The following VPS13B variants were observed in gnomAD, a reference collection of about 807,000 sequenced individuals.
The protein encoded by VPS13B is vacuolar protein sorting 13 homolog B.
VPS13B carries 285 observed loss-of-function variants against 426.4 expected under a neutral mutation model. The observed-to-expected ratio is 0.67, with a 90% CI of 0.61 to 0.74. The LOEUF is 0.74. Among genes scored for constraint, VPS13B ranks in the 30% least tolerant of loss-of-function variants. The pLI, the probability that VPS13B is intolerant of heterozygous loss-of-function variation, is 0.00. For missense variants in VPS13B, 4,537 were observed against 4,782.6 expected (o/e 0.95, Z 1.51); for synonymous variants, 1,676 against 1,676.4 (o/e 1.00, Z 0.01).
intron 17 of VPS13B, among the ~76,000 whole-genome samples, chr8:99,253,418 A>G (rs1817603972): frequency 2.0e-5 from 3 of 152,182 alleles, no homozygotes; most frequent in Non-Finnish European, 4.4e-5. Flanking sequence ...TTTCCATAGC[A>G]GCTGGACCAT....
chr8:99,817,413 T>C (rs1045711177), intron 44 of VPS13B, 127 bp from the exon 45 acceptor site: 6 of 1,266,704 alleles, frequency 4.7e-6, no homozygotes, highest in Non-Finnish European at 5.5e-6. Context: ...CTTCTTGTAC[T>C]GTTTAAGCTA....
At chr8:99,744,832 A>C (rs1382760331) in intron 39 of VPS13B, among the ~76,000 whole-genome samples, 3 of 151,254 alleles carry the variant, frequency 2.0e-5, no homozygotes, top group Non-Finnish European at 2.9e-5. Context: ...GGGTGGGGGG[A>C]AGGGGGAGGG....
intron 42 of VPS13B, among the ~76,000 whole-genome samples, chr8:99,780,534 C>G (rs1199598581): frequency 1.3e-5 from 2 of 151,870 alleles, no homozygotes; most frequent in Admixed American, 1.3e-4. Context: ...AACATAGTGC[C>G]TTGAAGGAAT....
At chr8:99,196,064 A>AT (rs1236365031) in intron 17 of VPS13B, among the ~76,000 whole-genome samples, 10 of 152,018 alleles carry the variant, frequency 6.6e-5, no homozygotes, top group East Asian at 1.9e-4. Context: ...GAATTTAAGG[A>AT]TTTTTTTACT....
intron 2 of VPS13B, among the ~76,000 whole-genome samples, chr8:99,015,919 T>G (rs1381813297): frequency 6.6e-6 from 1 of 152,060 alleles, no homozygotes; most frequent in Non-Finnish European, 1.5e-5. Context: ...GGGAACGTAC[T>G]CCCCACTCCT....
intron 22 of VPS13B, among the ~76,000 whole-genome samples, chr8:99,438,685 A>G (rs1244658211): frequency 1.3e-5 from 2 of 152,158 alleles, no homozygotes; most frequent in Non-Finnish European, 2.9e-5. Context: ...GGATATTTAA[A>G]TTTCTACTAC....
At chr8:99,735,021 G>A (rs73703006) in intron 39 of VPS13B, among the ~76,000 whole-genome samples, 12 of 152,332 alleles carry the variant, frequency 7.9e-5, no homozygotes, top group East Asian at 3.9e-4. Flanking sequence ...AGGAATAATC[G>A]TAGTAAATGC....
chr8:99,357,510 T>G (rs1812243369), intron 19 of VPS13B, among the ~76,000 whole-genome samples: 1 of 152,214 alleles, frequency 6.6e-6, no homozygotes, highest in South Asian at 2.1e-4. Flanking sequence ...AGCATTTTTA[T>G]TCATTTTGTG....
At chr8:99,289,578 A>G (rs1400374150) in intron 19 of VPS13B, among the ~76,000 whole-genome samples, 1 of 152,116 alleles carries the variant, frequency 6.6e-6, no homozygotes, top group Non-Finnish European at 1.5e-5. Flanking sequence ...AAGACGATTC[A>G]TTTCTATGTG....
intron 24 of VPS13B, among the ~76,000 whole-genome samples, chr8:99,472,795 A>G (rs1010901080): frequency 1.3e-5 from 2 of 152,012 alleles, no homozygotes; most frequent in Non-Finnish European, 2.9e-5. Context: ...GACTGAAATA[A>G]TAGAGAGGGA....
intron 28 of VPS13B, among the ~76,000 whole-genome samples, chr8:99,508,965 G>A (rs574877090): frequency 6.7e-4 from 101 of 150,432 alleles, no homozygotes; most frequent in Non-Finnish European, 1.2e-3. Context: ...TACATTCCAC[G>A]TTTAAAATAT....
intron 33 of VPS13B, among the ~76,000 whole-genome samples, chr8:99,619,738 G>A (rs1828269870): frequency 6.6e-6 from 1 of 152,044 alleles, no homozygotes; most frequent in Admixed American, 6.6e-5. Context: ...GGGTGTGGTG[G>A]TGGATGCCTA....
intron 19 of VPS13B, among the ~76,000 whole-genome samples, chr8:99,375,810 TGA>T (rs1162411816): frequency 6.6e-6 from 1 of 152,198 alleles, no homozygotes; most frequent in Non-Finnish European, 1.5e-5. Context: ...AGAAAAATAG[TGA>T]GTTTTAACAA....
chr8:99,145,653 T>C (rs1810669996), intron 13 of VPS13B, among the ~76,000 whole-genome samples: 1 of 107,052 alleles, frequency 9.3e-6, no homozygotes, highest in African/African-American at 3.1e-5. Flanking sequence ...ATCAGTAGTT[T>C]GTTTCTTTTC....
chr8:99,349,482 T>TTAG (rs1289014350), intron 19 of VPS13B, among the ~76,000 whole-genome samples: 1 of 152,098 alleles, frequency 6.6e-6, no homozygotes, highest in Non-Finnish European at 1.5e-5. Context: ...AAAATCACAT[T>TTAG]TAGCACAGTA....
intron 19 of VPS13B, among the ~76,000 whole-genome samples, chr8:99,353,181 A>T (rs1258668818): frequency 6.6e-6 from 1 of 152,030 alleles, no homozygotes; most frequent in African/African-American, 2.4e-5. Context: ...ACAAGGTTCT[A>T]CCATGTTGGC....
chr8:99,062,338 T>G (rs1470365441), intron 3 of VPS13B, among the ~76,000 whole-genome samples: 1 of 152,242 alleles, frequency 6.6e-6, no homozygotes, highest in Non-Finnish European at 1.5e-5. Flanking sequence ...AATTTTCATG[T>G]GCGTCAAAAC....
chr8:99,680,851 A>G (rs1055810457), intron 35 of VPS13B, among the ~76,000 whole-genome samples: 2 of 152,144 alleles, frequency 1.3e-5, no homozygotes, highest in Non-Finnish European at 2.9e-5. Context: ...ATTATTCTTT[A>G]TAGCTCCCCC....
In VPS13B at chr8:99,113,508, T is replaced by C. The variant is rs144650517; in HGVS notation, c.763-2192T>C. On this transcript the variant is annotated intron_variant, in intron 6 of 61. Transcript: ENST00000357162. The stretch of plus-strand genomic sequence containing the variant: ...GGGAATATGTATTAAACAGATATGG[T>C]CGACCTCATTAATTACTTCACAGAG... Among the ~76,000 whole-genome samples the C allele has an allele frequency of 6.2e-3, 948 of 152,344 alleles. 10 individuals are homozygous for C. Among genetic ancestry groups the C allele is most frequent in the Non-Finnish European group, 0.011 (718 of 68,030 alleles).
Sources: gnomAD v4.1 joint callset for allele counts (sites outside exome capture counted in the v4.1 genomes callset) on GRCh38, gnomAD v4.1.1 for gene constraint, MANE v1.5 for transcripts, NCBI Gene and HGNC (gene_info 2026-07-23, HGNC 2026-07-21) for gene names.